The following EPHA8 variants were observed in gnomAD, a reference collection of about 807,000 sequenced individuals.
EPHA8 encodes the protein EPH receptor A8.
A neutral mutation model predicts 103.6 loss-of-function variants in EPHA8; 58 were observed. The ratio of observed to expected loss-of-function variants is 0.56; its 90% CI spans 0.45 to 0.70. The LOEUF (loss-of-function observed/expected upper bound fraction) is 0.70, where lower values mean the gene tolerates loss of function less well. Ranked by LOEUF, EPHA8 falls within the 30% of genes least tolerant of loss-of-function variation. The probability of loss-of-function intolerance (pLI) is 0.00; values close to 1 mark genes in which losing one functional copy is unlikely to be tolerated. For synonymous variants in EPHA8, 559 were observed against 572.5 expected, an observed-to-expected ratio of 0.98 and a Z score of 0.34; for missense variants, 1,304 against 1,395.2, an observed-to-expected ratio of 0.93 and a Z score of 1.04.
chr1:22,571,607 T>A (rs1261355342), intron 2 of EPHA8, among the ~76,000 whole-genome samples: 1 of 152,094 alleles, frequency 6.6e-6, no homozygotes, highest in Non-Finnish European at 1.5e-5. Context: ...GCCTGGAGAC[T>A]GGGGTTTCTC....
At chr1:22,585,048 T>TGTGTGTGTGTGTGCGCGC in intron 3 of EPHA8, among the ~76,000 whole-genome samples, 1 of 111,284 alleles carries the variant, frequency 9.0e-6, no homozygotes, top group South Asian at 3.4e-4. Flanking sequence ...TGTGTGTGTG[T>TGTGTGTGTGTGTGCGCGC]GTGCGCACGC....
In EPHA8 at chr1:22,599,011, G is replaced by T; in HGVS notation, c.2352G>T (p.Val784=). 2 of 1,610,806 alleles carry T rather than the reference G, an allele frequency of 1.2e-6. No homozygotes were observed. Among genetic ancestry groups the T allele is most frequent in the African/African-American group, 1.3e-5 (1 of 74,992 alleles). Residue 784 remains valine (V), a synonymous_variant, in exon 13 of 17, where the codon GTG becomes GTT. Coordinates refer to ENST00000166244, the MANE Select transcript of EPHA8 (RefSeq NM_020526.5). The stretch of plus-strand genomic sequence containing the variant: ...TGTCTGACTTCGGGCTCTCACGGGT[G>T]CTGGAGGACGACCCGGATGCTGCCT... The part of the protein sequence containing the change: ...CKVSDFGLSR[V]LEDDPDAAYT...
chr1:22,601,896 G>A lies in EPHA8; in HGVS notation c.*155G>A. ...TGAAGGCTTCGCCACAGGACCTGGA[G>A]TTATCAGGGGTCAGGCGCCTGGGAA... On this transcript the variant is annotated 3_prime_UTR_variant, in exon 17 of 17. Coordinates refer to ENST00000166244, the MANE Select transcript of EPHA8 (RefSeq NM_020526.5). The A allele has an allele frequency of 3.9e-6, 3 of 765,000 alleles. No homozygotes were observed. Among genetic ancestry groups the A allele is most frequent in the Non-Finnish European group, 4.2e-6 (2 of 478,152 alleles). The allele number at this position is 765,000 out of a possible 1,614,324, so 47.4% of individuals were successfully genotyped here.
Position 22,600,847 on chromosome 1 carries a change from A to G in EPHA8, c.2538+37A>G, listed in dbSNP as rs770013775. Reference sequence around the variant, plus strand: ...GCCCTGGCAGGTCCGCGGGCGGTGGAGCCTCAGGGTGCAGGGAGGGACGGC... The same window carrying G: ...GCCCTGGCAGGTCCGCGGGCGGTGGGGCCTCAGGGTGCAGGGAGGGACGGC... On this transcript the variant is annotated intron_variant, in intron 14 of 16. Transcript: ENST00000166244. 5.0e-5 allele frequency: 80 copies of G among 1,588,632 alleles called. No individual in the cohort carries two copies. The East Asian group carries it at 1.6e-3, about 33-fold the overall frequency.
At chr1:22,577,580 C>T (rs1640746082) in intron 3 of EPHA8, among the ~76,000 whole-genome samples, 1 of 152,074 alleles carries the variant, frequency 6.6e-6, no homozygotes, top group Admixed American at 6.5e-5. Context: ...TGCTTCTGTT[C>T]AGGGGGATCT....
chr1:22,575,743 G>A (rs1443751702), intron 2 of EPHA8, among the ~76,000 whole-genome samples: 1 of 152,156 alleles, frequency 6.6e-6, no homozygotes, highest in East Asian at 1.9e-4. Flanking sequence ...AAGCAGCTGT[G>A]CAGGAGAGGC....
rs1257947148 is a variant in EPHA8 at position 22,597,148 on chromosome 1, C to G, written c.1766-164C>G. On this transcript the variant is annotated intron_variant, in intron 9 of 16. Coordinates refer to ENST00000166244, the MANE Select transcript of EPHA8 (RefSeq NM_020526.5). This position sits in a 1 kb window ranked among gnomAD's most constrained non-coding sequence, Gnocchi z 4.6. ...CCCCAGAGCGACTCCAGAGACCCCA[C>G]TTTCACTTGGGAAATACTTATGGGG... Among the ~76,000 whole-genome samples the G allele has an allele frequency of 1.3e-5, 2 of 152,162 alleles. No homozygotes were observed. The highest frequency in any genetic ancestry group is 4.8e-5 in the African/African-American group (2 of 41,420).
At chr1:22,599,985 GAAGGAGGA>G (rs1270846503) in intron 13 of EPHA8, among the ~76,000 whole-genome samples, 1 of 110,090 alleles carries the variant, frequency 9.1e-6, no homozygotes, top group African/African-American at 3.6e-5. Flanking sequence ...AGGAAGGAGA[GAAGGAGGA>G]AAGGAGGGAC....
intron 3 of EPHA8, among the ~76,000 whole-genome samples, chr1:22,581,116 C>T (rs150807589): frequency 6.6e-6 from 1 of 152,176 alleles, no homozygotes; most frequent in African/African-American, 2.4e-5. Flanking sequence ...ATTATAGTCC[C>T]ATTTTACTGA....
rs762519630 is a variant in EPHA8, at chr1:22,597,491, TTG to T, written c.1930+18_1930+19del. 1.2e-5 allele frequency: 19 copies of T among 1,608,240 alleles called. No homozygotes were observed. The highest frequency in any genetic ancestry group is 1.6e-5 in the Non-Finnish European group (19 of 1,177,320). ...CATCGGCTCTGGTGAGTCTCAGGGG[TTG>T]TGAGGGCGGGGCCAGCATGGGGCAA... On this transcript the variant is annotated intron_variant, in intron 10 of 16. Coordinates refer to ENST00000166244, the MANE Select transcript of EPHA8 (RefSeq NM_020526.5). The surrounding 1 kb of genome is among the most constrained non-coding windows in gnomAD (Gnocchi z 4.6).
At chr1:22,572,701 A>G (rs995885895) in intron 2 of EPHA8, among the ~76,000 whole-genome samples, 2 of 152,258 alleles carry the variant, frequency 1.3e-5, no homozygotes, top group Admixed American at 1.3e-4. Flanking sequence ...GAGAAGGGAT[A>G]TGCCTCACCA....
chr1:22,578,033 GTGTA>G (rs1164586740), intron 3 of EPHA8, among the ~76,000 whole-genome samples: 378 of 3,510 alleles, frequency 0.11, 3 homozygotes, highest in East Asian at 0.34. Flanking sequence ...ATGTGTGCAT[GTGTA>G]TGTATGTGCA....
In EPHA8 at chr1:22,600,677, T is replaced by C; in HGVS notation, c.2405T>C (p.Ile802Thr). Residue 802 changes from isoleucine to threonine, a missense_variant, in exon 14 of 17, where the codon ATC becomes ACC. Physicochemically the swap from Ile to Thr is moderately conservative, Grantham distance 89. Coordinates refer to ENST00000166244, the MANE Select transcript of EPHA8 (RefSeq NM_020526.5). Reference sequence around the variant, plus strand: ...CCGTCGCAGGGCGGGAAGATCCCCATCCGCTGGACGGCCCCAGAGGCCATC... The same window carrying C: ...CCGTCGCAGGGCGGGAAGATCCCCACCCGCTGGACGGCCCCAGAGGCCATC... ...AYTTTGGKIP[I>T]RWTAPEAIAF... 1 of 1,613,380 alleles carries C rather than the reference T, an allele frequency of 6.2e-7. No homozygotes were observed. The highest frequency in any genetic ancestry group is 2.2e-5 in the East Asian group (1 of 44,854).
chr1:22,588,627 TG>T (rs1170814661), intron 4 of EPHA8, among the ~76,000 whole-genome samples: 1 of 46,500 alleles, frequency 2.2e-5, no homozygotes, highest in Admixed American at 2.2e-4. Flanking sequence ...TCCTGATGGG[TG>T]GGGGGGATGG....
chr1:22,574,321 A>T (rs944657708), intron 2 of EPHA8, among the ~76,000 whole-genome samples: 3 of 152,220 alleles, frequency 2.0e-5, no homozygotes, highest in African/African-American at 7.2e-5. Flanking sequence ...TGAAATACAC[A>T]TAAGGTAAAG....
chr1:22,599,170 C>G, intron 13 of EPHA8, 123 bp downstream of exon 13: 1 of 988,658 alleles, frequency 1.0e-6, no homozygotes, highest in Admixed American at 2.2e-5. Flanking sequence ...GGCCCTCAAC[C>G]TGGGGCACAT....
intron 4 of EPHA8, among the ~76,000 whole-genome samples, chr1:22,586,963 G>A (rs1641230017): frequency 6.6e-6 from 1 of 152,290 alleles, no homozygotes; most frequent in Non-Finnish European, 1.5e-5. Flanking sequence ...AGGTGGGCAA[G>A]CCAGGGTGCT....
chr1:22,571,249 G>C (rs544587789), intron 2 of EPHA8, among the ~76,000 whole-genome samples: 1 of 152,340 alleles, frequency 6.6e-6, no homozygotes, highest in African/African-American at 2.4e-5. Context: ...GCATTTGCGA[G>C]TTAGAACAAA....
Position 22,601,469 on chromosome 1 carries a change from G to T in EPHA8, c.2899G>T (p.Ala967Ser). The change falls in exon 16 of 17, where the codon GCC becomes TCC. Residue 967 changes from alanine (A) to serine (S), a missense_variant. Coordinates refer to ENST00000166244, the MANE Select transcript of EPHA8 (RefSeq NM_020526.5). ...TCTGGGCATGGTGCTACGCATGAAC[G>T]CCCAGTGAGTGATGGGTGGGGCTGG... ...SSLGMVLRMN[A>S]QDVRALGITL... is the part of the protein sequence containing the mutation. 1 of 1,609,450 alleles carries T rather than the reference G, an allele frequency of 6.2e-7. No homozygotes were observed.
Sources: gnomAD v4.1 joint callset for allele counts (sites outside exome capture counted in the v4.1 genomes callset) on GRCh38, gnomAD v4.1.1 for gene constraint, Gnocchi (gnomAD v3.1) non-coding constraint, MANE v1.5 for transcripts, NCBI Gene and HGNC (gene_info 2026-07-23, HGNC 2026-07-21) for gene names.